Variants in NSG1 observed in about 807,000 individuals in gnomAD.
NSG1 encodes the protein neuronal vesicle trafficking associated 1.
A neutral mutation model predicts 19.3 loss-of-function variants in NSG1; 9 were observed. The observed-to-expected ratio is 0.47, with a 90% CI of 0.28 to 0.81. The LOEUF is 0.81. NSG1 is among the 40% of genes least tolerant of loss of function. The probability of loss-of-function intolerance (pLI) is 0.11; values close to 1 mark genes in which losing one functional copy is unlikely to be tolerated. For missense variants in NSG1, 236 were observed against 242.4 expected (o/e 0.97, Z 0.18); for synonymous variants, 104 against 107.0 (o/e 0.97, Z 0.17).
At position 4,387,777 on chromosome 4, in the gene NSG1, C is replaced by T. The variant is rs1437926652; in HGVS notation, c.129+19C>T. The T allele has an allele frequency of 7.6e-6, 12 of 1,584,200 alleles. No homozygotes were observed. Among genetic ancestry groups the T allele is most frequent in the Non-Finnish European group, 8.7e-6 (10 of 1,154,878 alleles). On this transcript the variant is annotated intron_variant, in intron 2 of 4. Transcript: ENST00000621129. ...GGATAAGGTAAGCCCCCCCACGCCC[C>T]TCCACGTTGCCGGGTGTGCACCCCC...
At chr4:4,393,472 A>C (rs1723097660) in intron 3 of NSG1, among the ~76,000 whole-genome samples, 1 of 152,192 alleles carries the variant, frequency 6.6e-6, no homozygotes, top group South Asian at 2.1e-4. Context: ...AAGGCTCAGA[A>C]GACCATGGGT....
At chr4:4,398,977 A>G (rs1215405227) in intron 3 of NSG1, among the ~76,000 whole-genome samples, 2 of 152,148 alleles carry the variant, frequency 1.3e-5, no homozygotes, top group Non-Finnish European at 2.9e-5. Context: ...TATTATAGCC[A>G]TCCTAGTGGA....
At chr4:4,399,309 A>C (rs553351562) in intron 3 of NSG1, among the ~76,000 whole-genome samples, 1 of 152,030 alleles carries the variant, frequency 6.6e-6, no homozygotes, top group South Asian at 2.1e-4. Context: ...CACCCAGCTA[A>C]TTTTCATATT....
intron 3 of NSG1, among the ~76,000 whole-genome samples, chr4:4,397,049 G>GTGTGTGTT (rs1723291813): frequency 6.6e-6 from 1 of 151,900 alleles, no homozygotes; most frequent in Admixed American, 6.6e-5. Context: ...CTGTGTGTGT[G>GTGTGTGTT]TGTGTGTGTG....
intron 3 of NSG1, among the ~76,000 whole-genome samples, chr4:4,406,396 A>G (rs1284558497): frequency 1.3e-5 from 2 of 152,212 alleles, no homozygotes; most frequent in Non-Finnish European, 2.9e-5. Context: ...TAGTGTTTTC[A>G]GATGCACAGA....
chr4:4,403,348 G>A lies in NSG1; in HGVS notation c.247-6225G>A, dbSNP rs138933380. Among the ~76,000 whole-genome samples the A allele has an allele frequency of 4.6e-5, 7 of 152,302 alleles. No individual in the cohort carries two copies. In the East Asian group the frequency reaches 5.8e-4, roughly 13 times the overall value. On this transcript the variant is annotated intron_variant, in intron 3 of 4. Coordinates refer to ENST00000621129, the MANE Select transcript of NSG1 (RefSeq NM_014392.5). ...GGGTGTGCCGGGCCCTGCTCTGTCC[G>A]GAGGCTCTTAGGCAGACACTGTTTC...
intron 3 of NSG1, among the ~76,000 whole-genome samples, chr4:4,395,087 C>G (rs973683062): frequency 1.2e-4 from 19 of 152,240 alleles, no homozygotes; most frequent in African/African-American, 4.3e-4. Flanking sequence ...GAACAACTTG[C>G]ATTCTAAGGG....
At chr4:4,402,371 ATTTTTTTTTTT>A (rs1161754574) in intron 3 of NSG1, among the ~76,000 whole-genome samples, 345 of 53,920 alleles carry the variant, frequency 6.4e-3, no homozygotes, top group African/African-American at 0.02. Flanking sequence ...ACGCCTGGTT[ATTTTTTTTTTT>A]TTTTTTTTTT....
At chr4:4,398,081 A>C (rs566539809) in intron 3 of NSG1, among the ~76,000 whole-genome samples, 1 of 152,104 alleles carries the variant, frequency 6.6e-6, no homozygotes, top group East Asian at 1.9e-4. Flanking sequence ...CAGCCTCCTA[A>C]GTAGCTGGTA....
chr4:4,402,428 C>G (rs1194551128), intron 3 of NSG1, among the ~76,000 whole-genome samples: 4 of 119,008 alleles, frequency 3.4e-5, no homozygotes, highest in East Asian at 2.7e-4. Flanking sequence ...TGCTCTGTCG[C>G]CCAGGCTGGA....
chr4:4,416,279 C>T (rs1724536121), intron 4 of NSG1: 7 of 697,608 alleles, frequency 1.0e-5, no homozygotes, highest in Non-Finnish European at 1.8e-5. Context: ...CCCCTGAACA[C>T]TGGATGCGGG....
intron 4 of NSG1, among the ~76,000 whole-genome samples, chr4:4,413,921 C>T (rs1724367327): frequency 6.6e-6 from 1 of 151,996 alleles, no homozygotes; most frequent in Non-Finnish European, 1.5e-5. Flanking sequence ...GGGCCTGGTG[C>T]AGAGCTAGTT....
intron 3 of NSG1, among the ~76,000 whole-genome samples, chr4:4,396,752 C>T (rs533270558): frequency 3.6e-5 from 5 of 140,444 alleles, no homozygotes; most frequent in Non-Finnish European, 7.8e-5. Context: ...TTCCTGCGTG[C>T]GCATCTGTTT....
At chr4:4,406,549 C>A (rs888532850) in intron 3 of NSG1, among the ~76,000 whole-genome samples, 4 of 152,166 alleles carry the variant, frequency 2.6e-5, no homozygotes, top group African/African-American at 9.7e-5. Context: ...GGTGAACATG[C>A]GACGGGGCAG....
chr4:4,390,527 C>T (rs1307505500), intron 2 of NSG1, among the ~76,000 whole-genome samples: 2 of 152,194 alleles, frequency 1.3e-5, no homozygotes, highest in South Asian at 2.1e-4. Flanking sequence ...GAGCAGGTGA[C>T]GGACTGCCCA....
chr4:4,415,056 C>G (rs937908484), intron 4 of NSG1, among the ~76,000 whole-genome samples: 12 of 151,824 alleles, frequency 7.9e-5, no homozygotes, highest in African/African-American at 2.7e-4. Flanking sequence ...TGGCTTTTCC[C>G]TTTATATTGG....
intron 2 of NSG1, among the ~76,000 whole-genome samples, chr4:4,388,464 TTC>T (rs1486815303): frequency 6.6e-6 from 1 of 152,222 alleles, no homozygotes; most frequent in Non-Finnish European, 1.5e-5. Flanking sequence ...ATTAAGTAGT[TTC>T]TGTTTGCTAA....
At chr4:4,392,187 G>C (rs1052126640) in intron 3 of NSG1, among the ~76,000 whole-genome samples, 4 of 151,502 alleles carry the variant, frequency 2.6e-5, no homozygotes, top group Admixed American at 6.6e-5. Context: ...GGATGAAGGG[G>C]TGCTGCTGAG....
chr4:4,394,440 T>G (rs1406674047), intron 3 of NSG1, among the ~76,000 whole-genome samples: 1 of 152,064 alleles, frequency 6.6e-6, no homozygotes, highest in Non-Finnish European at 1.5e-5. Context: ...CCAGGTGCTC[T>G]CTTTTGAGGG....
Sources: gnomAD v4.1 joint callset for allele counts (sites outside exome capture counted in the v4.1 genomes callset) on GRCh38, gnomAD v4.1.1 for gene constraint, MANE v1.5 for transcripts, NCBI Gene and HGNC (gene_info 2026-07-23, HGNC 2026-07-21) for gene names.